Variants in PXDNL observed in about 807,000 individuals in gnomAD.
PXDNL encodes the protein peroxidasin like, also known as probable oxidoreductase PXDNL.
A neutral mutation model predicts 150.8 loss-of-function variants in PXDNL; 145 were observed. That is an observed-to-expected ratio of 0.96 (90% CI 0.84 to 1.10). PXDNL has a LOEUF of 1.10. Ranked by LOEUF, PXDNL falls within the 50% of genes least tolerant of loss-of-function variation. The pLI is 0.00. For missense variants in PXDNL, 2,087 were observed against 1,873.9 expected, an observed-to-expected ratio of 1.11 and a Z score of -2.10; for synonymous variants, 757 against 725.7, an observed-to-expected ratio of 1.04 and a Z score of -0.69.
At chr8:51,411,544 T>C (rs1011780460) in intron 15 of PXDNL, 137 bp from the exon 16 acceptor site, 20 of 721,018 alleles carry the variant, frequency 2.8e-5, no homozygotes, top group African/African-American at 3.7e-5. Flanking sequence ...ATAGAGGCTC[T>C]ACAGAGGAGC....
At chr8:51,577,085 A>G (rs1813071485) in intron 3 of PXDNL, among the ~76,000 whole-genome samples, 1 of 151,476 alleles carries the variant, frequency 6.6e-6, no homozygotes, top group South Asian at 2.1e-4. Context: ...CAAATTTAAT[A>G]CCAAATCTAC....
intron 1 of PXDNL, among the ~76,000 whole-genome samples, chr8:51,696,747 A>ACACACAGG (rs1816144373): frequency 1.2e-3 from 2 of 1,712 alleles, no homozygotes; most frequent in Non-Finnish European, 2.7e-3. Flanking sequence ...CCACACACAT[A>ACACACAGG]CCCACCCACA....
chr8:51,714,566 G>C (rs1816570496), intron 1 of PXDNL, among the ~76,000 whole-genome samples: 1 of 151,988 alleles, frequency 6.6e-6, no homozygotes, highest in African/African-American at 2.4e-5. Flanking sequence ...GTTAAATATT[G>C]ATCTCCCATT....
At chr8:51,547,176 C>T (rs1032227397) in intron 4 of PXDNL, among the ~76,000 whole-genome samples, 1 of 152,164 alleles carries the variant, frequency 6.6e-6, no homozygotes, top group Non-Finnish European at 1.5e-5. Flanking sequence ...CCATATCCCC[C>T]TCCTATTGCC....
At chr8:51,486,508 G>A (rs1641712773) in intron 5 of PXDNL, among the ~76,000 whole-genome samples, 1 of 151,768 alleles carries the variant, frequency 6.6e-6, no homozygotes, top group East Asian at 1.9e-4. Context: ...TTATCTCCTA[G>A]AATACTATCC....
At chr8:51,570,951 G>A (rs777912768) in intron 3 of PXDNL, among the ~76,000 whole-genome samples, 2 of 151,564 alleles carry the variant, frequency 1.3e-5, no homozygotes, top group Non-Finnish European at 2.9e-5. Flanking sequence ...CTATACTTGG[G>A]GGCAAACTGA....
intron 1 of PXDNL, among the ~76,000 whole-genome samples, chr8:51,744,067 AAGGAAG>A (rs1563307117): frequency 0.013 from 922 of 73,022 alleles, 76 homozygotes; most frequent in East Asian, 0.041. Flanking sequence ...GGAAGGAAGG[AAGGAAG>A]GAAGGAAGGA....
chr8:51,430,059 C>A (rs1167364225), intron 12 of PXDNL, among the ~76,000 whole-genome samples: 1 of 148,480 alleles, frequency 6.7e-6, no homozygotes, highest in African/African-American at 2.5e-5. Context: ...TCACTCTTCA[C>A]ATCATAGCCT....
chr8:51,438,973 A>G (rs1809475764), intron 12 of PXDNL, among the ~76,000 whole-genome samples: 1 of 152,246 alleles, frequency 6.6e-6, no homozygotes, highest in Admixed American at 6.5e-5. Context: ...TAAAAACTGT[A>G]GAAGATGACA....
chr8:51,754,518 T>C (rs1047509231), intron 1 of PXDNL, among the ~76,000 whole-genome samples: 1 of 151,612 alleles, frequency 6.6e-6, no homozygotes, highest in African/African-American at 2.4e-5. Context: ...TTTCTTTTTT[T>C]TTTGAGGCAG....
At chr8:51,757,366 C>T (rs145271186) in intron 1 of PXDNL, among the ~76,000 whole-genome samples, 11 of 152,332 alleles carry the variant, frequency 7.2e-5, no homozygotes, top group African/African-American at 2.6e-4. Flanking sequence ...AGACAGCAGG[C>T]TCCGCAGTGC....
intron 1 of PXDNL, 96 bp downstream of exon 1, chr8:51,809,084 GA>G: frequency 8.0e-7 from 1 of 1,256,532 alleles, no homozygotes. Context: ...CAAGCAGGGA[GA>G]GCATTAGGAA....
intron 1 of PXDNL, among the ~76,000 whole-genome samples, chr8:51,735,527 T>TG (rs371335847): frequency 0.76 from 72,716 of 95,516 alleles, 25,165 homozygotes; most frequent in Non-Finnish European, 0.8. Context: ...TTAAAAATTG[T>TG]TTTTTTTTTT....
intron 20 of PXDNL, 174 bp from the exon 21 acceptor site, chr8:51,339,927 C>G (rs1805940530): frequency 1.9e-6 from 1 of 530,210 alleles, no homozygotes; most frequent in Non-Finnish European, 3.3e-6. Context: ...AATTAAATGG[C>G]AGATAAGATG....
intron 14 of PXDNL, among the ~76,000 whole-genome samples, chr8:51,415,109 C>T (rs1005991250): frequency 4.6e-5 from 7 of 152,096 alleles, no homozygotes; most frequent in African/African-American, 1.7e-4. Flanking sequence ...TGCACACATC[C>T]TCTCATCCAG....
chr8:51,796,029 A>G (rs1307258349), intron 1 of PXDNL, among the ~76,000 whole-genome samples: 1 of 152,228 alleles, frequency 6.6e-6, no homozygotes, highest in Admixed American at 6.5e-5. Context: ...CTATTTACTT[A>G]AGGTAAGGAT....
intron 3 of PXDNL, among the ~76,000 whole-genome samples, chr8:51,565,548 T>C (rs1406357267): frequency 2.6e-5 from 4 of 151,668 alleles, no homozygotes; most frequent in Non-Finnish European, 5.9e-5. Flanking sequence ...TAAGTACTTA[T>C]GTGTGAATAA....
chr8:51,778,686 G>C (rs1224597151), intron 1 of PXDNL, among the ~76,000 whole-genome samples: 1 of 152,222 alleles, frequency 6.6e-6, no homozygotes, highest in Non-Finnish European at 1.5e-5. Context: ...CCAAGCTCAA[G>C]TCAGCTAGAC....
intron 2 of PXDNL, among the ~76,000 whole-genome samples, chr8:51,596,304 G>A (rs185532088): frequency 6.6e-6 from 1 of 152,192 alleles, no homozygotes; most frequent in African/African-American, 2.4e-5. Flanking sequence ...TACCACTGAT[G>A]AACACCTGTG....
Sources: allele counts gnomAD v4.1 joint callset (sites outside exome capture counted in the v4.1 genomes callset), GRCh38; gene constraint gnomAD v4.1.1; transcripts MANE v1.5; gene names NCBI Gene and HGNC (gene_info 2026-07-23, HGNC 2026-07-21).